ADARB2: variants seen among roughly 807,000 people sequenced by gnomAD.
The protein encoded by ADARB2 is adenosine deaminase RNA specific B2 (inactive).
In ADARB2, 25 loss-of-function variants were observed where a neutral mutation model predicts 62.2. That is an observed-to-expected ratio of 0.40 (90% CI 0.29 to 0.56). ADARB2 has a LOEUF of 0.56. ADARB2 is among the 20% of genes least tolerant of loss of function. The pLI is 0.43. For synonymous variants in ADARB2, 572 were observed against 500.8 expected, an observed-to-expected ratio of 1.14 and a Z score of -1.90; for missense variants, 1,071 against 1,077.4, an observed-to-expected ratio of 0.99 and a Z score of 0.08.
intron 1 of ADARB2, among the ~76,000 whole-genome samples, chr10:1,564,699 AACCACAGCGAGAT>A (rs1832834110): frequency 6.6e-6 from 1 of 152,184 alleles, no homozygotes; most frequent in Admixed American, 6.5e-5. Flanking sequence ...TGCAAATCAA[AACCACAGCGAGAT>A]ACCATCTCAC....
In ADARB2 at chr10:1,255,115, G is replaced by T. The variant is rs942771219; in HGVS notation, c.1193-12816C>A. On this transcript the variant is annotated intron_variant, in intron 4 of 9. Coordinates refer to ENST00000381312, the MANE Select transcript of ADARB2 (RefSeq NM_018702.4). The surrounding 1 kb of genome is among the most constrained non-coding windows in gnomAD (Gnocchi z 4.7). Reference sequence around the variant, plus strand: ...CCAGTCATGCCGGGGCTCAGCCCCAGTGAGGGAGCAAGCGGGGCCAATGCT... The same window carrying T: ...CCAGTCATGCCGGGGCTCAGCCCCATTGAGGGAGCAAGCGGGGCCAATGCT... 1.3e-5 allele frequency among the ~76,000 whole-genome samples: 2 copies of T among 152,282 alleles called. No individual in the cohort carries two copies. Among genetic ancestry groups the T allele is most frequent in the Non-Finnish European group, 2.9e-5 (2 of 68,052 alleles).
At chr10:1,444,923 C>T (rs1193961644) in intron 1 of ADARB2, among the ~76,000 whole-genome samples, 1 of 147,960 alleles carries the variant, frequency 6.8e-6, no homozygotes, top group East Asian at 2.1e-4. Context: ...TCTACATTCT[C>T]CTTCCATCTA....
chr10:1,694,231 TATTG>T (rs1375349495), intron 1 of ADARB2, among the ~76,000 whole-genome samples: 2 of 152,246 alleles, frequency 1.3e-5, no homozygotes, highest in African/African-American at 2.4e-5. Context: ...TACACAGAAA[TATTG>T]ATTAAGCATC....
chr10:1,389,549 C>G (rs1054249328), intron 1 of ADARB2, among the ~76,000 whole-genome samples: 1 of 152,092 alleles, frequency 6.6e-6, no homozygotes, highest in African/African-American at 2.4e-5. Flanking sequence ...AAAAGACCAG[C>G]CTGGGCCACA....
intron 1 of ADARB2, among the ~76,000 whole-genome samples, chr10:1,479,971 A>T (rs914282929): frequency 6.6e-6 from 1 of 152,192 alleles, no homozygotes; most frequent in African/African-American, 2.4e-5. Context: ...CCCAAATGAC[A>T]CACAGAAGAG....
chr10:1,421,370 G>A (rs776042928), intron 1 of ADARB2, among the ~76,000 whole-genome samples: 25 of 151,970 alleles, frequency 1.6e-4, no homozygotes, highest in Non-Finnish European at 2.6e-4. Flanking sequence ...TCAGGTTCCA[G>A]GCTGGCTTCT....
At chr10:1,337,870 A>G (rs1831988954) in intron 3 of ADARB2, among the ~76,000 whole-genome samples, 1 of 152,244 alleles carries the variant, frequency 6.6e-6, no homozygotes, top group South Asian at 2.1e-4. Flanking sequence ...AGGAGAAGTC[A>G]TAGGATTTGC....
intron 1 of ADARB2, among the ~76,000 whole-genome samples, chr10:1,538,313 A>G (rs1237198304): frequency 6.6e-6 from 1 of 152,180 alleles, no homozygotes; most frequent in Non-Finnish European, 1.5e-5. Context: ...GGTGTCCCAC[A>G]GGGGTCTTGA....
intron 1 of ADARB2, among the ~76,000 whole-genome samples, chr10:1,530,929 C>T (rs1369917963): frequency 1.3e-5 from 2 of 151,994 alleles, no homozygotes; most frequent in African/African-American, 4.8e-5. Context: ...GCACTCAGCA[C>T]CCAGCACTCA....
chr10:1,562,099 G>A (rs1225129013), intron 1 of ADARB2, among the ~76,000 whole-genome samples: 6 of 152,062 alleles, frequency 3.9e-5, no homozygotes, highest in African/African-American at 4.8e-5. Context: ...AGGGGCCCCC[G>A]CCACGTGTCC....
intron 1 of ADARB2, among the ~76,000 whole-genome samples, chr10:1,420,303 G>C (rs1832841114): frequency 6.6e-6 from 1 of 152,186 alleles, no homozygotes; most frequent in Non-Finnish European, 1.5e-5. Flanking sequence ...GGACAGCTAC[G>C]TGTAAGGCTG....
intron 1 of ADARB2, among the ~76,000 whole-genome samples, chr10:1,614,237 A>C (rs2132022621): frequency 6.6e-6 from 1 of 152,378 alleles, no homozygotes; most frequent in East Asian, 1.9e-4. Flanking sequence ...AAGTTAAAAA[A>C]ATTGATTACA....
intron 4 of ADARB2, among the ~76,000 whole-genome samples, chr10:1,269,022 T>G (rs967561588): frequency 2.0e-5 from 3 of 152,216 alleles, no homozygotes; most frequent in African/African-American, 7.2e-5. Flanking sequence ...AAACTTACTT[T>G]CCAGGTCATA....
chr10:1,699,370 ACG>A (rs1423662933), intron 1 of ADARB2, among the ~76,000 whole-genome samples: 1 of 35,098 alleles, frequency 2.8e-5, no homozygotes, highest in African/African-American at 9.7e-5. Flanking sequence ...TCGCCAATAC[ACG>A]CAATCCCACT....
rs576914845 is a variant in ADARB2 at position 1,182,417 on chromosome 10, C to T, written c.*776G>A. The T allele has an allele frequency of 2.5e-3, 362 of 146,736 alleles. 15 individuals are homozygous for T. Among genetic ancestry groups the T allele is most frequent in the African/African-American group, 8.9e-3 (333 of 37,330 alleles). The allele number at this position is 146,736 out of a possible 1,614,324, so 9.1% of individuals were successfully genotyped here. On this transcript the variant is annotated 3_prime_UTR_variant, in exon 10 of 10. Transcript: ENST00000381312. ...TTCCAGACTCCCCACATCTGCAGCA[C>T]GCGTGGGCCGGGTGTTTCCAGGCTC...
intron 3 of ADARB2, among the ~76,000 whole-genome samples, chr10:1,360,847 A>G (rs1306974722): frequency 6.6e-6 from 1 of 152,252 alleles, no homozygotes; most frequent in Non-Finnish European, 1.5e-5. Flanking sequence ...AATGACTTTT[A>G]CAAAGTAGTA....
intron 1 of ADARB2, among the ~76,000 whole-genome samples, chr10:1,435,257 A>G (rs1453955196): frequency 6.6e-6 from 1 of 152,226 alleles, no homozygotes; most frequent in Non-Finnish European, 1.5e-5. Context: ...TTGGTGAGAC[A>G]AGAGCGGGGC....
At position 1,534,047 on chromosome 10, in the gene ADARB2, GA is replaced by G. The variant is rs1195009034; in HGVS notation, c.101-154888del. On this transcript the variant is annotated intron_variant, in intron 1 of 9. Coordinates refer to ENST00000381312, the MANE Select transcript of ADARB2 (RefSeq NM_018702.4). ...TTGATGGGGGAGGGAGGGAGGGAGA[GA>G]GAGAGAGAGAGAGAGATTGATTTAG... Among the ~76,000 whole-genome samples the G allele has an allele frequency of 5.5e-4, 82 of 148,844 alleles. 2 individuals are homozygous for G. In the South Asian group the frequency reaches 0.017, roughly 31 times the overall value.
chr10:1,243,679 A>T (rs1830949411), intron 4 of ADARB2, among the ~76,000 whole-genome samples: 1 of 152,160 alleles, frequency 6.6e-6, no homozygotes, highest in Non-Finnish European at 1.5e-5. Context: ...AGCACTGGGG[A>T]AGTAACCTGC....
Sources: gnomAD v4.1 joint callset for allele counts (sites outside exome capture counted in the v4.1 genomes callset) on GRCh38, gnomAD v4.1.1 for gene constraint, Gnocchi (gnomAD v3.1) non-coding constraint, MANE v1.5 for transcripts, NCBI Gene and HGNC (gene_info 2026-07-23, HGNC 2026-07-21) for gene names.